The following GALNTL6 variants were observed in gnomAD, a reference collection of about 807,000 sequenced individuals.
The protein encoded by GALNTL6 is polypeptide N-acetylgalactosaminyltransferase like 6.
In GALNTL6, 46 loss-of-function variants were observed where a neutral mutation model predicts 73.7. The ratio of observed to expected loss-of-function variants is 0.62; its 90% CI spans 0.49 to 0.80. GALNTL6 has a LOEUF of 0.80. GALNTL6 is among the 30% of genes least tolerant of loss of function. GALNTL6 has a pLI of 0.00. For missense variants in GALNTL6, 604 were observed against 755.0 expected (o/e 0.80, Z 2.34); for synonymous variants, 259 against 263.7 (o/e 0.98, Z 0.17).
chr4:172,969,948 C>A (rs1013306094), intron 10 of GALNTL6, among the ~76,000 whole-genome samples: 3 of 152,092 alleles, frequency 2.0e-5, no homozygotes, highest in African/African-American at 4.8e-5. Context: ...AGAAAAACCA[C>A]AAAGAGAGGA....
intron 5 of GALNTL6, among the ~76,000 whole-genome samples, chr4:172,469,965 T>TGTAGC (rs1579101643): frequency 6.6e-6 from 1 of 152,122 alleles, no homozygotes; most frequent in Non-Finnish European, 1.5e-5. Flanking sequence ...CTTGAAGAAA[T>TGTAGC]GTAGCACAGC....
intron 5 of GALNTL6, among the ~76,000 whole-genome samples, chr4:172,351,562 C>T (rs1741947199): frequency 1.3e-5 from 2 of 152,022 alleles, no homozygotes; most frequent in Non-Finnish European, 2.9e-5. Flanking sequence ...GAGAGAAAAA[C>T]TTTTTCTACT....
chr4:171,880,539 G>C (rs1306814964), intron 2 of GALNTL6, among the ~76,000 whole-genome samples: 2 of 152,168 alleles, frequency 1.3e-5, no homozygotes, highest in African/African-American at 2.4e-5. Context: ...CAATTAACTG[G>C]AACAGTGAGA....
chr4:172,584,141 A>T (rs1322334525), intron 5 of GALNTL6, among the ~76,000 whole-genome samples: 2 of 152,122 alleles, frequency 1.3e-5, no homozygotes, highest in Non-Finnish European at 2.9e-5. Flanking sequence ...TGCAAAAAAA[A>T]AAATGGAGAG....
chr4:172,713,742 G>A (rs1260573906), intron 5 of GALNTL6, among the ~76,000 whole-genome samples: 1 of 152,106 alleles, frequency 6.6e-6, no homozygotes, highest in Non-Finnish European at 1.5e-5. Flanking sequence ...AACAAAGCCT[G>A]AACATGGTGC....
At chr4:172,252,608 A>G (rs1391584482) in intron 3 of GALNTL6, among the ~76,000 whole-genome samples, 5 of 152,108 alleles carry the variant, frequency 3.3e-5, no homozygotes, top group Non-Finnish European at 7.4e-5. Flanking sequence ...TTAAGTAAAA[A>G]TGATATATTA....
intron 5 of GALNTL6, among the ~76,000 whole-genome samples, chr4:172,375,209 A>C (rs539186875): frequency 1.3e-5 from 2 of 152,118 alleles, no homozygotes; most frequent in Non-Finnish European, 2.9e-5. Context: ...TCCCTCAATG[A>C]AAAGAAAGCT....
chr4:172,380,238 C>G, intron 5 of GALNTL6: 1 of 912,302 alleles, frequency 1.1e-6, no homozygotes, highest in Non-Finnish European at 1.8e-6. Context: ...CGTATTCTCC[C>G]CAACTTGTCT....
rs115006842 is a variant in GALNTL6, at chr4:172,964,339, G to A, written c.1371+12081G>A. Among the ~76,000 whole-genome samples the A allele has an allele frequency of 3.2e-3, 494 of 152,280 alleles. 2 individuals carry two copies. The highest frequency in any genetic ancestry group is 0.011 in the African/African-American group (461 of 41,544). On this transcript the variant is annotated intron_variant, in intron 10 of 12. Coordinates refer to ENST00000506823, the MANE Select transcript of GALNTL6 (RefSeq NM_001034845.3). ...GCAGAATTCTAAATATCATGTGTAA[G>A]AAGGAATAAAAGATGTAAAATAGAC...
chr4:172,893,880 T>C (rs938515378), intron 8 of GALNTL6, among the ~76,000 whole-genome samples: 1 of 152,198 alleles, frequency 6.6e-6, no homozygotes, highest in African/African-American at 2.4e-5. Context: ...TAGGATCTCA[T>C]GTATCTAGGA....
chr4:172,559,208 G>T (rs1288903813), intron 5 of GALNTL6, among the ~76,000 whole-genome samples: 3 of 151,462 alleles, frequency 2.0e-5, no homozygotes, highest in Non-Finnish European at 4.4e-5. Context: ...GAGACCACAG[G>T]CACCCGCCAC....
At chr4:172,520,590 G>A (rs1734746547) in intron 5 of GALNTL6, among the ~76,000 whole-genome samples, 1 of 150,816 alleles carries the variant, frequency 6.6e-6, no homozygotes, top group African/African-American at 2.4e-5. Context: ...CCTATAGAAA[G>A]TTGTTTCCAT....
At chr4:172,604,378 A>T (rs971205975) in intron 5 of GALNTL6, among the ~76,000 whole-genome samples, 5 of 152,196 alleles carry the variant, frequency 3.3e-5, no homozygotes, top group Non-Finnish European at 7.3e-5. Flanking sequence ...CTGGCTTAGT[A>T]TTAAAAAACT....
At chr4:172,307,479 A>C (rs1740182833) in intron 3 of GALNTL6, among the ~76,000 whole-genome samples, 1 of 152,138 alleles carries the variant, frequency 6.6e-6, no homozygotes, top group African/African-American at 2.4e-5. Context: ...TAGAATTTTT[A>C]TGATTTTAGG....
At chr4:171,982,979 C>G (rs1286365905) in intron 2 of GALNTL6, among the ~76,000 whole-genome samples, 1 of 152,136 alleles carries the variant, frequency 6.6e-6, no homozygotes, top group Non-Finnish European at 1.5e-5. Flanking sequence ...AAGAATGTAA[C>G]CATCTGCTTC....
At position 172,551,545 on chromosome 4, in the gene GALNTL6, C is replaced by T. The variant is rs1013100635; in HGVS notation, c.553+202856C>T. 5.3e-5 allele frequency among the ~76,000 whole-genome samples: 8 copies of T among 151,924 alleles called. No individual in the cohort carries two copies. In the South Asian group the frequency reaches 6.2e-4, roughly 12 times the overall value. On this transcript the variant is annotated intron_variant, in intron 5 of 12. Transcript: ENST00000506823. The stretch of plus-strand genomic sequence containing the variant: ...TATGTTTATGCTAACAATGTAAATA[C>T]GACTTAAAATTAAAAACCAAATTCC...
chr4:172,184,763 C>T (rs965303491), intron 2 of GALNTL6, among the ~76,000 whole-genome samples: 7 of 152,124 alleles, frequency 4.6e-5, no homozygotes, highest in Admixed American at 2.0e-4. Context: ...AATTCATTTC[C>T]TCACAATTCA....
intron 3 of GALNTL6, among the ~76,000 whole-genome samples, chr4:172,298,580 C>T (rs1739778362): frequency 2.6e-5 from 4 of 152,094 alleles, no homozygotes; most frequent in Admixed American, 2.0e-4. Flanking sequence ...GCATGAAGGG[C>T]TGTTGAATTT....
At chr4:172,606,046 C>G (rs1738244042) in intron 5 of GALNTL6, among the ~76,000 whole-genome samples, 1 of 152,052 alleles carries the variant, frequency 6.6e-6, no homozygotes, top group African/African-American at 2.4e-5. Context: ...CTAGCCAAGA[C>G]CCTGTGCAGG....
Sources: allele counts gnomAD v4.1 joint callset (sites outside exome capture counted in the v4.1 genomes callset), GRCh38; gene constraint gnomAD v4.1.1; transcripts MANE v1.5; gene names NCBI Gene and HGNC (gene_info 2026-07-23, HGNC 2026-07-21).